The following PTPRF variants were observed in gnomAD, a reference collection of about 807,000 sequenced individuals.
PTPRF encodes the protein receptor-type tyrosine-protein phosphatase F.
PTPRF carries 59 observed loss-of-function variants against 201.8 expected under a neutral mutation model. The ratio of observed to expected loss-of-function variants is 0.29; its 90% CI spans 0.24 to 0.36. PTPRF has a LOEUF of 0.36. Among genes scored for constraint, PTPRF ranks in the 10% least tolerant of loss-of-function variants. The probability of loss-of-function intolerance (pLI) is 1.00; values close to 1 mark genes in which losing one functional copy is unlikely to be tolerated. For missense variants in PTPRF, 2,132 were observed against 2,690.5 expected, an observed-to-expected ratio of 0.79 and a Z score of 4.59; for synonymous variants, 1,088 against 1,089.7, an observed-to-expected ratio of 1.00 and a Z score of 0.03.
At chr1:43,557,664 G>A (rs922874940) in intron 5 of PTPRF, among the ~76,000 whole-genome samples, 2 of 151,480 alleles carry the variant, frequency 1.3e-5, no homozygotes. Flanking sequence ...CCTGCAGGAG[G>A]TGCCTCCGTT....
intron 5 of PTPRF, among the ~76,000 whole-genome samples, chr1:43,568,518 T>G (rs973403020): frequency 6.6e-6 from 1 of 152,204 alleles, no homozygotes; most frequent in African/African-American, 2.4e-5. Context: ...GACCTCACAG[T>G]AGCCTTACCA....
At chr1:43,566,774 C>T (rs899910735) in intron 5 of PTPRF, among the ~76,000 whole-genome samples, 8 of 152,154 alleles carry the variant, frequency 5.3e-5, no homozygotes, top group African/African-American at 1.4e-4. Context: ...GGCAGACTTC[C>T]GAGTGCTGCC....
rs1644399273 is a variant in PTPRF, at chr1:43,542,131, G to A, written c.-45-2900G>A. Among the ~76,000 whole-genome samples, 1 of 152,152 alleles carries A rather than the reference G, an allele frequency of 6.6e-6. No homozygotes were observed. Among genetic ancestry groups the A allele is most frequent in the Non-Finnish European group, 1.5e-5 (1 of 68,016 alleles). ...TCTGGGGGCCAAGGTCTACTCTTGA[G>A]GCCAGGCCTGGGGATCCAGGGCTGC... On this transcript the variant is annotated intron_variant, in intron 2 of 33. Transcript: ENST00000359947. The surrounding 1 kb of genome is among the most constrained non-coding windows in gnomAD (Gnocchi z 5.2).
upstream of PTPRF, chr1:43,528,451 A>T (rs1184568659): frequency 1.3e-5 from 2 of 152,164 alleles, no homozygotes; most frequent in Non-Finnish European, 2.9e-5. Context: ...TCAGCCCCCC[A>T]AAGTGCTGGG....
intron 7 of PTPRF, among the ~76,000 whole-genome samples, chr1:43,582,054 C>T (rs1647802954): frequency 6.6e-6 from 1 of 152,222 alleles, no homozygotes; most frequent in African/African-American, 2.4e-5. Context: ...TGACTCTCTT[C>T]ACCTGTGTCC....
At chr1:43,593,387 G>C (rs1651378544) in intron 11 of PTPRF, among the ~76,000 whole-genome samples, 1 of 152,174 alleles carries the variant, frequency 6.6e-6, no homozygotes, top group African/African-American at 2.4e-5. Context: ...CCGTATTTGT[G>C]GGTCTCGGTA....
intron 31 of PTPRF, 74 bp from the exon 32 acceptor site, chr1:43,620,764 T>C: frequency 6.4e-7 from 1 of 1,556,898 alleles, no homozygotes; most frequent in South Asian, 1.2e-5. Flanking sequence ...ATCATGGTAC[T>C]ACCCTGGTCT....
At position 43,553,096 on chromosome 1, in the gene PTPRF, C is replaced by A. The variant is rs1366071681; in HGVS notation, c.92-396C>A. Among the ~76,000 whole-genome samples the A allele has an allele frequency of 1.3e-5, 2 of 152,060 alleles. No homozygotes were observed. Among genetic ancestry groups the A allele is most frequent in the African/African-American group, 4.8e-5 (2 of 41,388 alleles). ...CTCTCAGGGAGAGCTGGAGCTCTTCCCAGCAGCTCTCCAGCACGCCTTTTT... is the reference window on the plus strand; with the variant it reads ...CTCTCAGGGAGAGCTGGAGCTCTTCACAGCAGCTCTCCAGCACGCCTTTTT... On this transcript the variant is annotated intron_variant, in intron 3 of 33. Coordinates refer to ENST00000359947, the MANE Select transcript of PTPRF (RefSeq NM_002840.5). The surrounding 1 kb of genome is among the most constrained non-coding windows in gnomAD (Gnocchi z 4.1).
chr1:43,578,418 A>C (rs1383642532), intron 6 of PTPRF, among the ~76,000 whole-genome samples: 1 of 152,160 alleles, frequency 6.6e-6, no homozygotes, highest in Non-Finnish European at 1.5e-5. Flanking sequence ...GGCTGCTCCC[A>C]CACCTGGCTC....
intron 10 of PTPRF, 31 bp downstream of exon 10, chr1:43,591,979 G>A (rs771070641): frequency 9.9e-6 from 16 of 1,610,556 alleles, no homozygotes; most frequent in South Asian, 4.4e-5. Context: ...CACTGAGGGG[G>A]TCTCCTGGTC....
rs956103344 is a variant in PTPRF, at chr1:43,619,662, A to G, written c.4933-18A>G. 5.0e-6 allele frequency: 8 copies of G among 1,613,364 alleles called. No individual in the cohort carries two copies. In the Admixed American group the frequency reaches 1.2e-4, roughly 24 times the overall value. ...CCCCACAGGAAGCCTGGCCTGACCAATCCCTGCCTCTCAATAGTTGCTGGC... is the reference window on the plus strand; with the variant it reads ...CCCCACAGGAAGCCTGGCCTGACCAGTCCCTGCCTCTCAATAGTTGCTGGC... On this transcript the variant is annotated intron_variant, in intron 28 of 33. Coordinates refer to ENST00000359947, the MANE Select transcript of PTPRF (RefSeq NM_002840.5).
intron 5 of PTPRF, among the ~76,000 whole-genome samples, chr1:43,560,038 G>T (rs982692428): frequency 6.7e-6 from 1 of 149,706 alleles, no homozygotes; most frequent in Non-Finnish European, 1.5e-5. Context: ...TGTGCGCAGC[G>T]GGTAGTTTGC....
At chr1:43,599,535 G>A (rs1177513701) in intron 13 of PTPRF, among the ~76,000 whole-genome samples, 1 of 152,160 alleles carries the variant, frequency 6.6e-6, no homozygotes, top group Admixed American at 6.5e-5. Flanking sequence ...CAAGTAGAGT[G>A]TTGCCCTGCT....
chr1:43,606,773 C>T (rs745754625), intron 20 of PTPRF, 41 bp from the exon 21 acceptor site: 3 of 1,600,772 alleles, frequency 1.9e-6, no homozygotes, highest in Non-Finnish European at 1.7e-6. Flanking sequence ...GGGGGGTTCT[C>T]ACGCTGAGCT....
rs1282776699 is a variant in PTPRF at position 43,606,934 on chromosome 1, A to G, written c.3823A>G (p.Ile1275Val). The G allele has an allele frequency of 6.2e-7, 1 of 1,614,134 alleles. No homozygotes were observed. The highest frequency in any genetic ancestry group is 8.5e-7 in the Non-Finnish European group (1 of 1,180,026). The change falls in exon 21 of 34, where the codon ATC becomes GTC. Residue 1275 changes from isoleucine to valine, a missense_variant. Physicochemically the swap from Ile to Val is conservative, Grantham distance 29. Around this residue, in one of 6 missense-constraint regions of PTPRF, gnomAD observed 818 missense variants for 915.3 expected, o/e 0.89. Coordinates refer to ENST00000359947, the MANE Select transcript of PTPRF (RefSeq NM_002840.5). ...TCCCGTGCTGGCAGTCATCCTCATC[A>G]TCCTCATTGTCATCGCCATCCTCTT... ...TGPVLAVILIILIVIAILLFK... is the reference protein window; with the variant it reads ...TGPVLAVILIVLIVIAILLFK...
chr1:43,606,282 C>T lies in PTPRF; in HGVS notation c.3526C>T (p.Arg1176Trp), dbSNP rs368885602. The change falls in exon 20 of 34, where the codon CGG becomes TGG. Residue 1176 changes from arginine to tryptophan, a missense_variant. Arg to Trp is a moderately radical substitution (Grantham distance 101). Around this residue, in one of 6 missense-constraint regions of PTPRF, gnomAD observed 818 missense variants for 915.3 expected, o/e 0.89. Transcript: ENST00000359947. ...GCAAGGCGGAGAGGAGCAGCGGCGG[C>T]GGCGGCGGCAGGCAGAACGTCTGAA... The part of the protein sequence containing the change: ...IEQGGEEQRR[R>W]RRQAERLKPY... The T allele has an allele frequency of 4.4e-5, 71 of 1,613,608 alleles. No individual in the cohort carries two copies. The highest frequency in any genetic ancestry group is 2.9e-4 in the South Asian group (26 of 91,080).
At chr1:43,598,565 G>T in intron 12 of PTPRF, 155 bp from the exon 13 acceptor site, 2 of 707,090 alleles carry the variant, frequency 2.8e-6, no homozygotes, top group Non-Finnish European at 4.6e-6. Flanking sequence ...GGAGCCTTCC[G>T]TGTGCCTCAC....
At chr1:43,618,447 G>T (rs1305369654) in intron 25 of PTPRF, among the ~76,000 whole-genome samples, 183 bp from the exon 26 acceptor site, 1 of 152,172 alleles carries the variant, frequency 6.6e-6, no homozygotes, top group African/African-American at 2.4e-5. Context: ...GGGCAGGGCG[G>T]TGACATAGCT....
chr1:43,620,015 C>A, intron 29 of PTPRF, 80 bp from the exon 30 acceptor site: 2 of 1,594,044 alleles, frequency 1.3e-6, no homozygotes, highest in Non-Finnish European at 1.7e-6. Flanking sequence ...CTGAGCAGGG[C>A]CCCAAGGGGC....
Sources: gnomAD v4.1 joint callset for allele counts (sites outside exome capture counted in the v4.1 genomes callset) on GRCh38, gnomAD v4.1.1 for gene constraint, gnomAD v4.1.1 regional missense constraint, Gnocchi (gnomAD v3.1) non-coding constraint, MANE v1.5 for transcripts, NCBI Gene and HGNC (gene_info 2026-07-23, HGNC 2026-07-21) for gene names.